QKI: variants seen among roughly 807,000 people sequenced by gnomAD.
QKI encodes the protein KH domain-containing RNA-binding protein QKI.
A neutral mutation model predicts 39.0 loss-of-function variants in QKI; 10 were observed. That is an observed-to-expected ratio of 0.26 (90% CI 0.16 to 0.43). The LOEUF (loss-of-function observed/expected upper bound fraction) is 0.43. QKI is among the 20% of genes least tolerant of loss of function. The pLI is 1.00. For missense variants in QKI, 218 were observed against 428.0 expected (o/e 0.51, Z 4.33); for synonymous variants, 204 against 155.4 (o/e 1.31, Z -2.33).
In QKI at chr6:163,534,196, A is replaced by G. The variant is rs181714522; in HGVS notation, c.403-786A>G. ...TCCCTGTAGCTTAACCAGGTTTTCA[A>G]CATGGGGATATTTCTTACTAGAAGA... On this transcript the variant is annotated intron_variant, in intron 3 of 7. Transcript: ENST00000361752. Among the ~76,000 whole-genome samples, 213 of 152,344 alleles carry G rather than the reference A, an allele frequency of 1.4e-3. 1 individual carries two copies. The highest frequency in any genetic ancestry group is 4.8e-3 in the African/African-American group (198 of 41,580).
chr6:163,493,754 C>T (rs537940850), intron 3 of QKI, among the ~76,000 whole-genome samples: 16 of 152,256 alleles, frequency 1.1e-4, no homozygotes, highest in South Asian at 4.1e-4. Flanking sequence ...TCAAAATTGC[C>T]TTTCAACTTC....
chr6:163,428,039 A>G (rs1005511293), intron 1 of QKI, among the ~76,000 whole-genome samples: 9 of 152,204 alleles, frequency 5.9e-5, no homozygotes, highest in African/African-American at 2.2e-4. Flanking sequence ...AAAAGAGAGC[A>G]CTCAGTGATT....
intron 3 of QKI, among the ~76,000 whole-genome samples, chr6:163,493,133 CTTT>C (rs34924542): frequency 7.1e-6 from 1 of 140,628 alleles, no homozygotes. Flanking sequence ...ATCTACAATA[CTTT>C]TTTTTTTTTT....
intron 3 of QKI, among the ~76,000 whole-genome samples, chr6:163,512,106 T>C (rs1366650047): frequency 6.6e-6 from 1 of 152,126 alleles, no homozygotes; most frequent in Non-Finnish European, 1.5e-5. Flanking sequence ...TGTATAATTA[T>C]ATCTAGGAGC....
At chr6:163,509,132 C>T (rs565658303) in intron 3 of QKI, among the ~76,000 whole-genome samples, 31 of 151,974 alleles carry the variant, frequency 2.0e-4, no homozygotes, top group East Asian at 7.8e-4. Context: ...AGTGAGACTC[C>T]GTCTCAGTCA....
chr6:163,542,195 A>G (rs1439893067), intron 4 of QKI, among the ~76,000 whole-genome samples: 2 of 152,034 alleles, frequency 1.3e-5, no homozygotes, highest in African/African-American at 2.4e-5. Context: ...GTCTCTCCAC[A>G]CAGGAGCACA....
intron 1 of QKI, among the ~76,000 whole-genome samples, chr6:163,418,415 C>G (rs1359851994): frequency 1.3e-5 from 2 of 152,080 alleles, no homozygotes; most frequent in Non-Finnish European, 2.9e-5. Flanking sequence ...TAATTCCTTG[C>G]CAAGTTAACC....
intron 1 of QKI, among the ~76,000 whole-genome samples, chr6:163,443,978 A>G (rs571672972): frequency 2.0e-5 from 3 of 152,354 alleles, no homozygotes; most frequent in South Asian, 2.1e-4. Flanking sequence ...GGCGAAATAC[A>G]TAGGTACAGA....
At chr6:163,546,528 G>C (rs1358843469) in intron 4 of QKI, among the ~76,000 whole-genome samples, 3 of 151,100 alleles carry the variant, frequency 2.0e-5, no homozygotes, top group African/African-American at 7.3e-5. Context: ...CATTTTAATA[G>C]TATATTAAAT....
intron 3 of QKI, among the ~76,000 whole-genome samples, chr6:163,484,721 C>G (rs1793335355): frequency 6.6e-6 from 1 of 152,188 alleles, no homozygotes; most frequent in African/African-American, 2.4e-5. Flanking sequence ...CTTAAGTTCA[C>G]TGTCTTATAT....
intron 5 of QKI, 74 bp from the exon 6 acceptor site, chr6:163,563,346 T>A: frequency 7.6e-7 from 1 of 1,323,756 alleles, no homozygotes; most frequent in Non-Finnish European, 1.0e-6. Context: ...TTCTTTTTCC[T>A]ACTCCCTTCT....
chr6:163,568,961 G>A (rs560377558), intron 7 of QKI: 48 of 986,012 alleles, frequency 4.9e-5, no homozygotes, highest in Middle Eastern at 1.0e-3. Context: ...CACTCACTTC[G>A]TTTATATATT....
Position 163,553,894 on chromosome 6 carries a change from G to A in QKI, c.547-8088G>A, listed in dbSNP as rs141910101. Among the ~76,000 whole-genome samples the A allele has an allele frequency of 4.2e-4, 64 of 152,280 alleles. No individual in the cohort carries two copies. In the East Asian group the frequency reaches 9.6e-3, roughly 23 times the overall value. ...TTTTAAGCTTTTCTGGTTAAATAAA[G>A]TGCCTGACACTTTCCCTCTACCTTG... On this transcript the variant is annotated intron_variant, in intron 4 of 7. Coordinates refer to ENST00000361752, the MANE Select transcript of QKI (RefSeq NM_006775.3).
chr6:163,572,669 G>GACC lies in QKI; in HGVS notation c.*1960_*1962dup, dbSNP rs1554281764. 1 of 17,272 alleles carries GACC rather than the reference G, an allele frequency of 5.8e-5. No individual in the cohort carries two copies. Among genetic ancestry groups the GACC allele is most frequent in the Non-Finnish European group, 9.0e-5 (1 of 11,144 alleles). The allele number at this position is 17,272 out of a possible 1,614,324, so 1.1% of individuals were successfully genotyped here. A position where few individuals can be genotyped will look rare whatever the true frequency, so the allele number is the denominator to read the frequency against. ...ACGTGGCAAATCTCAAGTGACAGTGGACCCCCCCCCCCGCCCAGCTTATCA... is the reference window on the plus strand; with the variant it reads ...ACGTGGCAAATCTCAAGTGACAGTGGACCACCCCCCCCCCCGCCCAGCTTATCA... On this transcript the variant is annotated 3_prime_UTR_variant, in exon 8 of 8. Transcript: ENST00000361752.
chr6:163,524,571 C>T lies in QKI; in HGVS notation c.403-10411C>T, dbSNP rs147428919. ...GCAACCTCCACCTCCGAGGTTCAAG[C>T]GATTCTCCTGCCTCAGCCTCCCTAG... On this transcript the variant is annotated intron_variant, in intron 3 of 7. Transcript: ENST00000361752. 2.7e-3 allele frequency among the ~76,000 whole-genome samples: 414 copies of T among 152,088 alleles called. 2 individuals carry two copies. The highest frequency in any genetic ancestry group is 8.1e-3 in the African/African-American group (336 of 41,458).
chr6:163,570,901 T>C lies in QKI; in HGVS notation c.*191T>C, dbSNP rs1783668370. On this transcript the variant is annotated 3_prime_UTR_variant, in exon 8 of 8. Coordinates refer to ENST00000361752, the MANE Select transcript of QKI (RefSeq NM_006775.3). ...TGTTGTCCTCCAACTCAGCTTTTTT[T>C]TTTTTTTTTTCCTGTTTGGGTGAAA... is the stretch of plus-strand genomic sequence containing the variant. 2 of 788,512 alleles carry C rather than the reference T, an allele frequency of 2.5e-6. No homozygotes were observed. The highest frequency in any genetic ancestry group is 2.8e-5 in the Admixed American group (1 of 35,608). The allele number at this position is 788,512 out of a possible 1,614,324, so 48.8% of individuals were successfully genotyped here. A position where few individuals can be genotyped will look rare whatever the true frequency, so the allele number is the denominator to read the frequency against.
chr6:163,546,993 A>G (rs561918761), intron 4 of QKI, among the ~76,000 whole-genome samples: 187 of 152,240 alleles, frequency 1.2e-3, no homozygotes, highest in Non-Finnish European at 2.2e-3. Flanking sequence ...TTATCAAAGT[A>G]TCTTTAGTTA....
chr6:163,543,113 AG>A (rs1322385230), intron 4 of QKI, among the ~76,000 whole-genome samples: 2 of 152,102 alleles, frequency 1.3e-5, no homozygotes, highest in Admixed American at 1.3e-4. Context: ...ATGAATGAGA[AG>A]GTAACAGACA....
intron 1 of QKI, among the ~76,000 whole-genome samples, chr6:163,424,312 A>C (rs977704945): frequency 6.6e-6 from 1 of 152,184 alleles, no homozygotes; most frequent in African/African-American, 2.4e-5. Context: ...AGAGTATTCA[A>C]GTTTTAACTC....
Sources: gnomAD v4.1 joint callset for allele counts (sites outside exome capture counted in the v4.1 genomes callset) on GRCh38, gnomAD v4.1.1 for gene constraint, MANE v1.5 for transcripts, NCBI Gene and HGNC (gene_info 2026-07-23, HGNC 2026-07-21) for gene names.